Variants in VPS33A observed in about 807,000 individuals in gnomAD.
VPS33A encodes VPS33A core subunit of CORVET and HOPS complexes.
In VPS33A, 32 loss-of-function variants were observed where a neutral mutation model predicts 71.8. The ratio of observed to expected loss-of-function variants is 0.45; its 90% CI spans 0.34 to 0.60. VPS33A has a LOEUF of 0.60. Among genes scored for constraint, VPS33A ranks in the 20% least tolerant of loss-of-function variants. The pLI is 0.02. For missense variants in VPS33A, 625 were observed against 748.5 expected (o/e 0.84, Z 1.92); for synonymous variants, 311 against 292.7 (o/e 1.06, Z -0.64).
chr12:122,264,118 C>CA lies in VPS33A; in HGVS notation c.168+15dup. The CA allele has an allele frequency of 6.6e-7, 1 of 1,510,940 alleles. No individual in the cohort carries two copies. Among genetic ancestry groups the CA allele is most frequent in the Non-Finnish European group, 9.0e-7 (1 of 1,116,850 alleles). The allele number at this position is 1,510,940 out of a possible 1,614,324, so 93.6% of individuals were successfully genotyped here. A position where few individuals can be genotyped will look rare whatever the true frequency, so the allele number is the denominator to read the frequency against. The stretch of plus-strand genomic sequence containing the variant: ...GAATTATTAATCCCCTAACAAAACC[C>CA]AAATAGCTCATTTACCTTCAATAGT... On this transcript the variant is annotated intron_variant, in intron 2 of 12. Transcript: ENST00000267199.
At chr12:122,233,109 C>G in intron 11 of VPS33A, 141 bp from the exon 12 acceptor site, 1 of 977,442 alleles carries the variant, frequency 1.0e-6, no homozygotes, top group African/African-American at 1.7e-5. Context: ...TTGTTCTAAT[C>G]CACCCTAGCT....
chr12:122,238,518 G>C (rs1016860205), intron 10 of VPS33A, 69 bp downstream of exon 10: 1 of 1,536,546 alleles, frequency 6.5e-7, no homozygotes, highest in South Asian at 1.2e-5. Context: ...CACTGTGCCC[G>C]GCCCATGAAG....
At chr12:122,263,066 C>T (rs1955019654) in intron 3 of VPS33A, among the ~76,000 whole-genome samples, 1 of 149,734 alleles carries the variant, frequency 6.7e-6, no homozygotes, top group African/African-American at 2.5e-5. Flanking sequence ...GATCTCAGCT[C>T]ACTGCAACCT....
chr12:122,260,779 T>C (rs1019393248), intron 4 of VPS33A, among the ~76,000 whole-genome samples: 1 of 151,792 alleles, frequency 6.6e-6, no homozygotes, highest in Non-Finnish European at 1.5e-5. Flanking sequence ...AAGCGGATCC[T>C]GGCCAAGCAA....
At chr12:122,238,808 A>AC in intron 9 of VPS33A, 84 bp from the exon 10 acceptor site, 1 of 934,390 alleles carries the variant, frequency 1.1e-6, no homozygotes, top group Non-Finnish European at 1.5e-6. Flanking sequence ...CACACACACA[A>AC]TACATGGTTT....
intron 9 of VPS33A, 120 bp downstream of exon 9, chr12:122,239,747 CTCAAAAAAAAA>C: frequency 3.1e-6 from 1 of 324,182 alleles, no homozygotes; most frequent in Non-Finnish European, 4.9e-6. Context: ...GAGACTCCGT[CTCAAAAAAAAA>C]AAAAAAAAAA....
chr12:122,244,085 G>A (rs1404723018), intron 7 of VPS33A, among the ~76,000 whole-genome samples: 1 of 152,144 alleles, frequency 6.6e-6, no homozygotes, highest in African/African-American at 2.4e-5. Flanking sequence ...GAGGCAGGAA[G>A]GTGATAATGA....
chr12:122,250,038 G>A lies in VPS33A; in HGVS notation c.608C>T (p.Ala203Val), dbSNP rs770459332. ...FGKGECARQV[A>V]NMMIRMKREF... The stretch of plus-strand genomic sequence containing the variant: ...TCTCTTCATCCTGATCATCATATTG[G>A]CCACTTGCTGGAAACAAAACATTGG... The change falls in exon 6 of 13, where the codon GCC becomes GTC. Residue 203 changes from alanine to valine, a missense_variant. Ala to Val is a moderately conservative substitution (Grantham distance 64). Transcript: ENST00000267199. 21 of 1,606,080 alleles carry A rather than the reference G, an allele frequency of 1.3e-5. No homozygotes were observed. Among genetic ancestry groups the A allele is most frequent in the Non-Finnish European group, 1.6e-5 (19 of 1,176,076 alleles).
chr12:122,240,213 A>T (rs923539594), intron 8 of VPS33A, among the ~76,000 whole-genome samples: 3 of 152,134 alleles, frequency 2.0e-5, no homozygotes, highest in African/African-American at 7.2e-5. Context: ...CCGTAGTCCC[A>T]GCTACTCGGG....
chr12:122,257,484 C>G (rs918136915), intron 4 of VPS33A, among the ~76,000 whole-genome samples: 1 of 135,424 alleles, frequency 7.4e-6, no homozygotes, highest in Non-Finnish European at 1.5e-5. Flanking sequence ...GGAGGCTGGA[C>G]AACACGGTGA....
intron 4 of VPS33A, among the ~76,000 whole-genome samples, chr12:122,257,396 C>T (rs963160127): frequency 7.0e-6 from 1 of 143,472 alleles, no homozygotes; most frequent in African/African-American, 2.6e-5. Context: ...CACTGCACTC[C>T]AGCCTGGGCA....
At chr12:122,241,427 C>T (rs144087778) in intron 8 of VPS33A, among the ~76,000 whole-genome samples, 11,949 of 151,944 alleles carry the variant, frequency 0.079, 576 homozygotes, top group African/African-American at 0.13. Context: ...GCCTCAGTCT[C>T]CTGAGTAGCT....
rs1411087574 is a variant in VPS33A at position 122,232,805 on chromosome 12, T to C, written c.1604A>G (p.Lys535Arg). The C allele has an allele frequency of 2.5e-6, 4 of 1,611,116 alleles. No individual in the cohort carries two copies. Among genetic ancestry groups the C allele is most frequent in the Non-Finnish European group, 3.4e-6 (4 of 1,178,036 alleles). Residue 535 changes from lysine to arginine, a missense_variant, in exon 12 of 13, where the codon AAG becomes AGG. Coordinates refer to ENST00000267199, the MANE Select transcript of VPS33A (RefSeq NM_022916.6). Reference sequence around the variant, plus strand: ...GATGCTGGACTGGGACTTACGTTTCTTCTGCAGTCCTGTGGGCAGTGGCTG... The same window carrying C: ...GATGCTGGACTGGGACTTACGTTTCCTCTGCAGTCCTGTGGGCAGTGGCTG... ...ERQPLPTGLQ[K>R]KRQPGENRVT...
At chr12:122,247,330 C>T (rs1010838425) in intron 6 of VPS33A, among the ~76,000 whole-genome samples, 4 of 152,032 alleles carry the variant, frequency 2.6e-5, no homozygotes, top group African/African-American at 9.7e-5. Context: ...GCCTCTCCCC[C>T]CACCATTCCC....
chr12:122,241,290 C>T (rs1954710686), intron 8 of VPS33A, among the ~76,000 whole-genome samples: 1 of 152,026 alleles, frequency 6.6e-6, no homozygotes, highest in Non-Finnish European at 1.5e-5. Context: ...ATGGACCCTT[C>T]CTCTCTTTCT....
In VPS33A at chr12:122,229,624, C is replaced by T. The variant is rs1954533823; in HGVS notation, c.*2622G>A. 1 of 152,156 alleles carries T rather than the reference C, an allele frequency of 6.6e-6. No individual in the cohort carries two copies. Among genetic ancestry groups the T allele is most frequent in the East Asian group, 1.9e-4 (1 of 5,194 alleles). The allele number at this position is 152,156 out of a possible 1,614,324, so 9.4% of individuals were successfully genotyped here. A position where few individuals can be genotyped will look rare whatever the true frequency, so the allele number is the denominator to read the frequency against. The stretch of plus-strand genomic sequence containing the variant: ...GTGTAGAACTGTCTACCCAACTAGA[C>T]AAAAGTCCAGACATGATGTAAACAA... On this transcript the variant is annotated 3_prime_UTR_variant, in exon 13 of 13. Transcript: ENST00000267199.
rs979181872 is a variant in VPS33A, at chr12:122,230,873, C to T, written c.*1373G>A. On this transcript the variant is annotated 3_prime_UTR_variant, in exon 13 of 13. Transcript: ENST00000267199. ...CTGCCCCCCACCACAGCCTGACAGT[C>T]TCCTGCAGGAGTAGCAGCAGCTGTG... The T allele has an allele frequency of 1.3e-5, 2 of 152,250 alleles. No homozygotes were observed. Among genetic ancestry groups the T allele is most frequent in the African/African-American group, 2.4e-5 (1 of 41,430 alleles). The allele number at this position is 152,250 out of a possible 1,614,324, so 9.4% of individuals were successfully genotyped here.
At chr12:122,249,800 C>A (rs1954820133) in intron 6 of VPS33A, 71 bp downstream of exon 6, 6 of 1,419,770 alleles carry the variant, frequency 4.2e-6, no homozygotes, top group Non-Finnish European at 5.7e-6. Context: ...GTGCAATATA[C>A]AAACAGTAGC....
chr12:122,232,553 TAAG>T (rs1462299460), intron 12 of VPS33A, 126 bp from the exon 13 acceptor site: 1 of 1,130,518 alleles, frequency 8.8e-7, no homozygotes, highest in African/African-American at 1.6e-5. Context: ...ATCTGAAACC[TAAG>T]AATACTGATT....
Sources: allele counts gnomAD v4.1 joint callset (sites outside exome capture counted in the v4.1 genomes callset), GRCh38; gene constraint gnomAD v4.1.1; transcripts MANE v1.5; gene names NCBI Gene and HGNC (gene_info 2026-07-23, HGNC 2026-07-21).